Variants in ABTB3 observed in about 807,000 individuals in gnomAD.
The protein encoded by ABTB3 is ankyrin repeat- and BTB/POZ domain-containing protein 3.
At chr12:107,590,553 G>T in the ABTB3 span, among the ~76,000 whole-genome samples, 2 of 152,248 alleles carry the variant, frequency 1.3e-5, no homozygotes, top group Non-Finnish European at 2.9e-5. Flanking sequence ...TGGCAGCGAG[G>T]AAGTCATTAG....
chr12:107,338,125 A>G, the ABTB3 span, among the ~76,000 whole-genome samples: 1 of 152,302 alleles, frequency 6.6e-6, no homozygotes, highest in South Asian at 2.1e-4. Context: ...GGTTTAACCT[A>G]ATGTTCCTCC....
At chr12:107,400,181 A>G in the ABTB3 span, among the ~76,000 whole-genome samples, 2 of 152,244 alleles carry the variant, frequency 1.3e-5, no homozygotes, top group African/African-American at 4.8e-5. Context: ...AGAATGATTT[A>G]TAATCCTTTG....
chr12:107,461,091 A>G, the ABTB3 span, among the ~76,000 whole-genome samples: 3 of 152,176 alleles, frequency 2.0e-5, no homozygotes, highest in Non-Finnish European at 4.4e-5. Flanking sequence ...CACGTCCTAC[A>G]TGGTGGCAGG....
At chr12:107,329,856 G>A in the ABTB3 span, among the ~76,000 whole-genome samples, 1 of 152,228 alleles carries the variant, frequency 6.6e-6, no homozygotes, top group African/African-American at 2.4e-5. Context: ...CATGGAGCTT[G>A]CAGGCCTGTG....
the ABTB3 span, among the ~76,000 whole-genome samples, chr12:107,525,347 A>G: frequency 4.7e-4 from 70 of 149,852 alleles, no homozygotes; most frequent in African/African-American, 1.4e-3. Context: ...AAAAAAAAAA[A>G]AAAGAAAGAA....
At chr12:107,544,830 G>T in the ABTB3 span, among the ~76,000 whole-genome samples, 6 of 152,214 alleles carry the variant, frequency 3.9e-5, no homozygotes, top group Non-Finnish European at 8.8e-5. Flanking sequence ...CTGTGATCCT[G>T]ACTGCCTAGG....
At chr12:107,371,462 T>A in the ABTB3 span, among the ~76,000 whole-genome samples, 1 of 152,154 alleles carries the variant, frequency 6.6e-6, no homozygotes, top group Non-Finnish European at 1.5e-5. Flanking sequence ...TCAGTCCAGA[T>A]GCCCAGAGCT....
At chr12:107,335,113 C>G in the ABTB3 span, among the ~76,000 whole-genome samples, 1 of 151,522 alleles carries the variant, frequency 6.6e-6, no homozygotes, top group Admixed American at 6.6e-5. Context: ...TAGCAAGACC[C>G]CATCTCTATA....
chr12:107,441,488 A>G, the ABTB3 span, among the ~76,000 whole-genome samples: 1 of 152,178 alleles, frequency 6.6e-6, no homozygotes, highest in Admixed American at 6.5e-5. Flanking sequence ...GGAGAGCATC[A>G]GGAAAAATAG....
chr12:107,402,501 A>G, the ABTB3 span, among the ~76,000 whole-genome samples: 1 of 152,024 alleles, frequency 6.6e-6, no homozygotes, highest in Admixed American at 6.6e-5. Context: ...GGGATATGGT[A>G]CCCCATCTCC....
the ABTB3 span, among the ~76,000 whole-genome samples, chr12:107,472,941 A>G: frequency 6.6e-6 from 1 of 152,152 alleles, no homozygotes. Flanking sequence ...ATCATCAGAG[A>G]CAGTCCCACC....
chr12:107,581,027 C>T, the ABTB3 span: 1 of 1,550,924 alleles, frequency 6.4e-7, no homozygotes, highest in Non-Finnish European at 8.7e-7. Context: ...CCAGGGAAAG[C>T]GGGGTGTGGG....
At chr12:107,371,719 G>A in the ABTB3 span, among the ~76,000 whole-genome samples, 47 of 152,250 alleles carry the variant, frequency 3.1e-4, no homozygotes, top group Non-Finnish European at 6.2e-4. Context: ...AATGTGAAGA[G>A]GAAGGCCATA....
the ABTB3 span, among the ~76,000 whole-genome samples, chr12:107,338,953 G>A: frequency 1.3e-5 from 2 of 152,234 alleles, no homozygotes; most frequent in African/African-American, 4.8e-5. Context: ...CAGCCTCCAG[G>A]GTAGCTGGGA....
chr12:107,440,256 T>C, the ABTB3 span, among the ~76,000 whole-genome samples: 1 of 152,144 alleles, frequency 6.6e-6, no homozygotes, highest in Admixed American at 6.6e-5. Context: ...GTCATCTGCT[T>C]CCCTCTCCAG....
At chr12:107,546,669 G>T in the ABTB3 span, among the ~76,000 whole-genome samples, 1 of 152,228 alleles carries the variant, frequency 6.6e-6, no homozygotes, top group Admixed American at 6.5e-5. Context: ...TTTGAGACCA[G>T]CCTGGCCAAC....
chr12:107,412,296 A>T, the ABTB3 span, among the ~76,000 whole-genome samples: 1 of 152,190 alleles, frequency 6.6e-6, no homozygotes, highest in African/African-American at 2.4e-5. Flanking sequence ...TGGCAAGTTC[A>T]AGTAGCTTGC....
At chr12:107,397,874 C>T in the ABTB3 span, among the ~76,000 whole-genome samples, 211 of 152,254 alleles carry the variant, frequency 1.4e-3, no homozygotes, top group Non-Finnish European at 2.3e-3. Flanking sequence ...ATCGTTTCCA[C>T]GGTGTCTTGT....
At chr12:107,450,860 A>G in the ABTB3 span, among the ~76,000 whole-genome samples, 2 of 152,050 alleles carry the variant, frequency 1.3e-5, no homozygotes, top group Non-Finnish European at 1.5e-5. Context: ...CTGGGTCTTT[A>G]TGTAGATGGG....
Sources: allele counts gnomAD v4.1 joint callset (sites outside exome capture counted in the v4.1 genomes callset), GRCh38; gene constraint gnomAD v4.1.1; transcripts MANE v1.5; gene names NCBI Gene and HGNC (gene_info 2026-07-23, HGNC 2026-07-21).